The following FLOT2 variants were observed in gnomAD, a reference collection of about 807,000 sequenced individuals.
FLOT2 encodes flotillin-2.
Under a neutral mutation model 54.9 loss-of-function variants are expected in FLOT2, and 35 were observed. That is an observed-to-expected ratio of 0.64 (90% CI 0.49 to 0.84). The LOEUF is 0.84. Ranked by LOEUF, FLOT2 falls within the 40% of genes least tolerant of loss-of-function variation. The pLI is 0.00. For missense variants in FLOT2, 464 were observed against 572.1 expected (o/e 0.81, Z 1.93); for synonymous variants, 207 against 228.9 (o/e 0.90, Z 0.86).
At chr17:28,889,402 T>C (rs1326836236) in intron 1 of FLOT2, among the ~76,000 whole-genome samples, 1 of 151,942 alleles carries the variant, frequency 6.6e-6, no homozygotes, top group East Asian at 1.9e-4. Flanking sequence ...CAGTCTCGGC[T>C]CACTGCAACC....
intron 1 of FLOT2, among the ~76,000 whole-genome samples, chr17:28,894,352 G>C (rs2152650700): frequency 6.6e-6 from 1 of 152,168 alleles, no homozygotes; most frequent in South Asian, 2.1e-4. Context: ...AGCCAGGCAT[G>C]GTGGCTAACA....
At chr17:28,885,896 C>T (rs1484643898) in intron 2 of FLOT2, 16 of 1,550,190 alleles carry the variant, frequency 1.0e-5, no homozygotes, top group South Asian at 3.6e-5. Flanking sequence ...CCCCCTCCGA[C>T]GTCTCAATAT....
In FLOT2 at chr17:28,888,985, CGCCAAACACG is replaced by C; in HGVS notation, c.81_90del (p.Tyr27Ter). 2 of 1,614,158 alleles carry C rather than the reference CGCCAAACACG, an allele frequency of 1.2e-6. No individual in the cohort carries two copies. Among genetic ancestry groups the C allele is most frequent in the Non-Finnish European group, 1.7e-6 (2 of 1,180,020 alleles). ...ATACACCACCAGGCCCAGGCCCAGCCGCCAAACACGTACTGTTTATAGTCGGAACCACAAC... is the reference window on the plus strand; with the variant it reads ...ATACACCACCAGGCCCAGGCCCAGCCTACTGTTTATAGTCGGAACCACAAC... On this transcript the variant is annotated frameshift_variant, in exon 2 of 11. Coordinates refer to ENST00000394908, the MANE Select transcript of FLOT2 (RefSeq NM_004475.3). LOFTEE classifies it high-confidence loss of function.
At chr17:28,896,067 C>T (rs1455398764) in intron 1 of FLOT2, among the ~76,000 whole-genome samples, 1 of 152,208 alleles carries the variant, frequency 6.6e-6, no homozygotes, top group Non-Finnish European at 1.5e-5. Context: ...CCCCGCCAAC[C>T]TTCTCTGCTT....
Position 28,882,905 on chromosome 17 carries a change from A to G in FLOT2, c.346+203T>C, listed in dbSNP as rs2039480546. ...TGTCCCAAGCAGCACTAGGTTCCTG[A>G]GCAGACCGACAGCCCCCATCCCACC... is the stretch of plus-strand genomic sequence containing the variant. On this transcript the variant is annotated intron_variant, in intron 4 of 10. Transcript: ENST00000394908. The surrounding 1 kb of genome is among the most constrained non-coding windows in gnomAD (Gnocchi z 5.6). 1.6e-6 allele frequency: 1 copy of G among 644,266 alleles called. No homozygotes were observed. Among genetic ancestry groups the G allele is most frequent in the Non-Finnish European group, 2.7e-6 (1 of 374,510 alleles). 39.9% of individuals were successfully genotyped at this position (644,266 alleles called of 1,614,324 possible).
In FLOT2 at chr17:28,897,472, T is replaced by A; in HGVS notation, c.49+54A>T. 1 of 1,518,002 alleles carries A rather than the reference T, an allele frequency of 6.6e-7. No homozygotes were observed. Among genetic ancestry groups the A allele is most frequent in the Non-Finnish European group, 9.0e-7 (1 of 1,111,944 alleles). The allele number at this position is 1,518,002 out of a possible 1,614,324, so 94.0% of individuals were successfully genotyped here. ...CTCTTCCCCGTGCACTCCCCAGCCC[T>A]GCACCCACCCCGAGCACCCTCCACA... On this transcript the variant is annotated intron_variant, in intron 1 of 10. Coordinates refer to ENST00000394908, the MANE Select transcript of FLOT2 (RefSeq NM_004475.3). The surrounding 1 kb of genome is among the most constrained non-coding windows in gnomAD (Gnocchi z 4.4).
At chr17:28,888,030 G>A (rs892556583) in intron 2 of FLOT2, among the ~76,000 whole-genome samples, 4 of 152,222 alleles carry the variant, frequency 2.6e-5, no homozygotes, top group African/African-American at 7.2e-5. Flanking sequence ...ACGGGTGGGG[G>A]ATGGGGCAGA....
rs776278631 is a variant in FLOT2 at position 28,881,236 on chromosome 17, C to T, written c.1054G>A (p.Gly352Arg). 11 of 1,614,188 alleles carry T rather than the reference C, an allele frequency of 6.8e-6. No individual in the cohort carries two copies. Among genetic ancestry groups the T allele is most frequent in the Admixed American group, 1.7e-5 (1 of 60,028 alleles). Residue 352 changes from glycine to arginine, a missense_variant, in exon 9 of 11, where the codon GGG becomes AGG. Coordinates refer to ENST00000394908, the MANE Select transcript of FLOT2 (RefSeq NM_004475.3). ...KLKAEAYQKY[G>R]DAAKMALVLE... ...ACCAAGGCCATCTTGGCTGCATCCC[C>T]GTATTTCTGGTAGGCTTCTGCCTTG...
At chr17:28,891,915 T>C (rs1314938228) in intron 1 of FLOT2, among the ~76,000 whole-genome samples, 1 of 152,184 alleles carries the variant, frequency 6.6e-6, no homozygotes, top group African/African-American at 2.4e-5. Flanking sequence ...GCTTACCAGG[T>C]AGGTAACCCA....
intron 2 of FLOT2, among the ~76,000 whole-genome samples, chr17:28,887,669 CTG>C (rs1197524610): frequency 6.6e-6 from 1 of 152,222 alleles, no homozygotes; most frequent in African/African-American, 2.4e-5. Flanking sequence ...ACAAGATACT[CTG>C]TTGTGCTGGG....
chr17:28,885,963 G>C (rs557826869), intron 2 of FLOT2: 17 of 1,520,818 alleles, frequency 1.1e-5, no homozygotes, highest in African/African-American at 1.1e-4. Context: ...GAGCAGCCAG[G>C]GGGTGGGGAG....
chr17:28,884,368 G>A lies in FLOT2; in HGVS notation c.132-53C>T. ...GGGTCTGGGGGCGCAGGGCCTGGTG[G>A]TGTTGGGAAAGAGGCCAGTACCTCA... is the stretch of plus-strand genomic sequence containing the variant. On this transcript the variant is annotated intron_variant, in intron 2 of 10. Coordinates refer to ENST00000394908, the MANE Select transcript of FLOT2 (RefSeq NM_004475.3). The surrounding 1 kb of genome is among the most constrained non-coding windows in gnomAD (Gnocchi z 5.1). 8.0e-7 allele frequency: 1 copy of A among 1,255,266 alleles called. No homozygotes were observed. Among genetic ancestry groups the A allele is most frequent in the Non-Finnish European group, 1.1e-6 (1 of 875,308 alleles). 77.8% of individuals were successfully genotyped at this position (1,255,266 alleles called of 1,614,324 possible).
At chr17:28,881,649 G>C (rs770628821) in intron 8 of FLOT2, 165 bp downstream of exon 8, 19 of 684,330 alleles carry the variant, frequency 2.8e-5, no homozygotes, top group Non-Finnish European at 3.4e-5. Context: ...CTTCCCAACA[G>C]CAGTCCCACA....
Position 28,889,015 on chromosome 17 carries a change from C to A in FLOT2, c.61G>T (p.Gly21Cys). 2 of 1,614,094 alleles carry A rather than the reference C, an allele frequency of 1.2e-6. No homozygotes were observed. The highest frequency in any genetic ancestry group is 8.5e-7 in the Non-Finnish European group (1 of 1,179,984). The stretch of plus-strand genomic sequence containing the variant: ...AACACGTACTGTTTATAGTCGGAAC[C>A]ACAACAGCCCCCTGGGGAGCAAAGC... Reference protein sequence around the residue: ...EALVVSGGCCGSDYKQYVFGG... With the variant: ...EALVVSGGCCCSDYKQYVFGG... The change falls in exon 2 of 11, where the codon GGT (glycine) becomes TGT (cysteine). Residue 21 changes from glycine to cysteine, a missense_variant. Coordinates refer to ENST00000394908, the MANE Select transcript of FLOT2 (RefSeq NM_004475.3).
At chr17:28,894,173 TTTCTTCCTAC>T (rs2039701344) in intron 1 of FLOT2, among the ~76,000 whole-genome samples, 1 of 152,126 alleles carries the variant, frequency 6.6e-6, no homozygotes. Context: ...TCCAGCCCAC[TTTCTTCCTAC>T]TAGTCAAGAA....
chr17:28,881,915 C>T lies in FLOT2; in HGVS notation c.813G>A (p.Glu271=), dbSNP rs2152646297. 1 of 1,613,980 alleles carries T rather than the reference C, an allele frequency of 6.2e-7. No individual in the cohort carries two copies. The highest frequency in any genetic ancestry group is 8.5e-7 in the Non-Finnish European group (1 of 1,180,046). Residue 271 remains glutamate (E), a synonymous_variant, in exon 8 of 11, where the codon GAG becomes GAA. Transcript: ENST00000394908. ...VVQRKKQIAV[E]AQEILRTDKE... ...TGTCCGTACGCAGGATCTCCTGTGCCTCCACGGCAATCTGTTTCTTGCGCT... is the reference window on the plus strand; with the variant it reads ...TGTCCGTACGCAGGATCTCCTGTGCTTCCACGGCAATCTGTTTCTTGCGCT...
rs748747160 is a variant in FLOT2 at position 28,884,216 on chromosome 17, T to TTAC, written c.222+6_222+8dup. 6.2e-7 allele frequency: 1 copy of TTAC among 1,604,592 alleles called. No individual in the cohort carries two copies. The highest frequency in any genetic ancestry group is 8.5e-7 in the Non-Finnish European group (1 of 1,171,704). On this transcript the variant is annotated intron_variant, in intron 3 of 10. Transcript: ENST00000394908. This position sits in a 1 kb window ranked among gnomAD's most constrained non-coding sequence, Gnocchi z 5.1. ...AACGGACATGCGCAGGGCTGCTGAG[T>TTAC]TACTATACCTGGGCGACACCCGTCA...
At chr17:28,891,079 C>T (rs1308309048) in intron 1 of FLOT2, among the ~76,000 whole-genome samples, 1 of 151,980 alleles carries the variant, frequency 6.6e-6, no homozygotes, top group Non-Finnish European at 1.5e-5. Context: ...CAAGGTTTCA[C>T]CATGTTGCCC....
chr17:28,883,199 G>A lies in FLOT2; in HGVS notation c.255C>T (p.Ala85=), dbSNP rs376662670. 1.2e-5 allele frequency: 19 copies of A among 1,613,972 alleles called. No homozygotes were observed. The highest frequency in any genetic ancestry group is 3.3e-4 in the Middle Eastern group (2 of 6,062). ...TACCCAGAAACTGCTCACAAGCCACGGCCAGGAGTTCCTTCTCCGTCATGA... is the reference window on the plus strand; with the variant it reads ...TACCCAGAAACTGCTCACAAGCCACAGCCAGGAGTTCCTTCTCCGTCATGA... ...VKIMTEKELL[A]VACEQFLGKN... is the part of the protein sequence containing the mutation. Residue 85 remains alanine, a synonymous_variant, in exon 4 of 11, where the codon GCC becomes GCT. Transcript: ENST00000394908. This position sits in a 1 kb window ranked among gnomAD's most constrained non-coding sequence, Gnocchi z 5.0.
Sources: allele counts gnomAD v4.1 joint callset (sites outside exome capture counted in the v4.1 genomes callset), GRCh38; gene constraint gnomAD v4.1.1; non-coding constraint Gnocchi (gnomAD v3.1); transcripts MANE v1.5; gene names NCBI Gene and HGNC (gene_info 2026-07-23, HGNC 2026-07-21).